THSD4: variants seen among roughly 807,000 people sequenced by gnomAD.
THSD4 encodes thrombospondin type-1 domain-containing protein 4.
A neutral mutation model predicts 119.0 loss-of-function variants in THSD4; 69 were observed. The ratio of observed to expected loss-of-function variants is 0.58; its 90% CI spans 0.48 to 0.71. The LOEUF (loss-of-function observed/expected upper bound fraction) is 0.71. Ranked by LOEUF, THSD4 falls within the 30% of genes least tolerant of loss-of-function variation. THSD4 has a pLI of 0.00. For missense variants in THSD4, 1,393 were observed against 1,391.1 expected (o/e 1.00, Z -0.02); for synonymous variants, 524 against 540.4 (o/e 0.97, Z 0.42).
chr15:71,402,051 A>G (rs1210184968), intron 6 of THSD4, among the ~76,000 whole-genome samples: 1 of 146,996 alleles, frequency 6.8e-6, no homozygotes, highest in African/African-American at 2.5e-5. Context: ...GAATTGAACA[A>G]TGAGAACACA....
rs149682187 is a variant in THSD4 at position 71,376,596 on chromosome 15, C to T, written c.1016-35091C>T. ...CTGCCCTGAGAAAAACAAATCTTTCCCCCTTGCTCCCATTTGCAAACTCTT... is the reference window on the plus strand; with the variant it reads ...CTGCCCTGAGAAAAACAAATCTTTCTCCCTTGCTCCCATTTGCAAACTCTT... On this transcript the variant is annotated intron_variant, in intron 6 of 17. Coordinates refer to ENST00000261862, the MANE Select transcript of THSD4 (RefSeq NM_024817.3). Among the ~76,000 whole-genome samples, 6 of 152,262 alleles carry T rather than the reference C, an allele frequency of 3.9e-5. No individual in the cohort carries two copies. In the East Asian group the frequency reaches 5.8e-4, roughly 15 times the overall value.
chr15:71,646,242 G>T (rs145819515), intron 7 of THSD4, among the ~76,000 whole-genome samples: 9 of 151,998 alleles, frequency 5.9e-5, no homozygotes, highest in Non-Finnish European at 8.8e-5. Flanking sequence ...GCTTTTCTTG[G>T]TGCTCAGGAG....
intron 15 of THSD4, among the ~76,000 whole-genome samples, chr15:71,763,028 A>G (rs1206151121): frequency 6.6e-6 from 1 of 152,092 alleles, no homozygotes; most frequent in Non-Finnish European, 1.5e-5. Context: ...CCGAGATTGC[A>G]CCACTGCACT....
At chr15:71,732,064 T>G (rs1193282534) in intron 10 of THSD4, 1 of 152,182 alleles carries the variant, frequency 6.6e-6, no homozygotes, top group African/African-American at 2.4e-5. Flanking sequence ...CTCATCTTCC[T>G]CTCTCTTTCC....
chr15:71,695,501 C>CGTGTGTGTGT (rs370049077), intron 8 of THSD4, among the ~76,000 whole-genome samples: 2 of 115,330 alleles, frequency 1.7e-5, no homozygotes, highest in African/African-American at 3.7e-5. Flanking sequence ...TGTGTGTGTG[C>CGTGTGTGTGT]ATGTGTGTGT....
chr15:71,698,203 T>C (rs2052207496), intron 8 of THSD4, among the ~76,000 whole-genome samples: 1 of 152,160 alleles, frequency 6.6e-6, no homozygotes, highest in Non-Finnish European at 1.5e-5. Flanking sequence ...TCCCTGCCCT[T>C]GGATAACTCA....
At chr15:71,480,990 TATAC>T (rs2047722399) in intron 7 of THSD4, among the ~76,000 whole-genome samples, 1 of 152,196 alleles carries the variant, frequency 6.6e-6, no homozygotes, top group Non-Finnish European at 1.5e-5. Context: ...TGTCAAATAG[TATAC>T]AAAGTTTTAA....
At chr15:71,195,930 C>G (rs2043715597) in intron 3 of THSD4, among the ~76,000 whole-genome samples, 1 of 152,168 alleles carries the variant, frequency 6.6e-6, no homozygotes, top group African/African-American at 2.4e-5. Context: ...TGTTGAATAA[C>G]CACTGCATCC....
intron 1 of THSD4, among the ~76,000 whole-genome samples, chr15:71,133,323 G>T (rs920129467): frequency 3.3e-5 from 5 of 152,162 alleles, no homozygotes; most frequent in Non-Finnish European, 5.9e-5. Flanking sequence ...TGGATCCTGG[G>T]CTGCGCAGTG....
chr15:71,219,390 G>C (rs1048132551), intron 4 of THSD4, among the ~76,000 whole-genome samples: 3 of 152,192 alleles, frequency 2.0e-5, no homozygotes, highest in African/African-American at 7.2e-5. Flanking sequence ...TTGTCTAGCA[G>C]AATTTTCCAA....
chr15:71,755,995 G>A (rs190596424), intron 14 of THSD4, among the ~76,000 whole-genome samples: 2 of 152,306 alleles, frequency 1.3e-5, no homozygotes, highest in African/African-American at 4.8e-5. Flanking sequence ...CTCTGAGTCT[G>A]TCCAGAAGGA....
rs78410459 is a variant in THSD4 at position 71,337,768 on chromosome 15, G to A, written c.1016-73919G>A. Among the ~76,000 whole-genome samples the A allele has an allele frequency of 6.2e-3, 945 of 152,244 alleles. 7 individuals are homozygous for A. The highest frequency in any genetic ancestry group is 9.1e-3 in the Non-Finnish European group (619 of 68,014). ...CCCAGGTGAACCTAGTAGAGGCTGA[G>A]CCCACCGGAGACGTTCCCAGCAGGC... On this transcript the variant is annotated intron_variant, in intron 6 of 17. Coordinates refer to ENST00000261862, the MANE Select transcript of THSD4 (RefSeq NM_024817.3).
chr15:71,281,572 T>C (rs1330706930), intron 6 of THSD4, among the ~76,000 whole-genome samples: 1 of 152,236 alleles, frequency 6.6e-6, no homozygotes, highest in Non-Finnish European at 1.5e-5. Context: ...TGCAAAACGA[T>C]TCTTCATTTT....
intron 6 of THSD4, among the ~76,000 whole-genome samples, chr15:71,403,033 C>G (rs1243871256): frequency 6.6e-6 from 1 of 152,154 alleles, no homozygotes; most frequent in African/African-American, 2.4e-5. Flanking sequence ...ATTGGGTATT[C>G]TACGCATTTC....
At chr15:71,729,941 A>G (rs2052941323) in intron 9 of THSD4, 1 of 152,138 alleles carries the variant, frequency 6.6e-6, no homozygotes, top group Non-Finnish European at 1.5e-5. Flanking sequence ...CGTTTCTGCA[A>G]CGCCGATGGT....
chr15:71,307,659 C>CT (rs2045049344), intron 6 of THSD4, among the ~76,000 whole-genome samples: 1 of 152,082 alleles, frequency 6.6e-6, no homozygotes, highest in Non-Finnish European at 1.5e-5. Flanking sequence ...ATCCCAGCTA[C>CT]TTGGGAGGCT....
chr15:71,099,225 G>A (rs1004388259), intron 1 of THSD4, among the ~76,000 whole-genome samples: 5 of 152,208 alleles, frequency 3.3e-5, no homozygotes, highest in Non-Finnish European at 7.3e-5. Context: ...AATGTTCCAT[G>A]TACACTTGAA....
At position 71,281,962 on chromosome 15, in the gene THSD4, G is replaced by A. The variant is rs116712828; in HGVS notation, c.1015+25247G>A. On this transcript the variant is annotated intron_variant, in intron 6 of 17. Transcript: ENST00000261862. ...CCTGACTCTGATGTTCACCTGCTCC[G>A]GGACTAAAGGCCTCAGATTCCCCAT... Among the ~76,000 whole-genome samples, 765 of 152,190 alleles carry A rather than the reference G, an allele frequency of 5.0e-3. 5 individuals are homozygous for A. The highest frequency in any genetic ancestry group is 0.019 in the East Asian group (99 of 5,180).
At chr15:71,484,495 T>C (rs2140676861) in intron 7 of THSD4, among the ~76,000 whole-genome samples, 1 of 152,334 alleles carries the variant, frequency 6.6e-6, no homozygotes, top group South Asian at 2.1e-4. Context: ...ACCTGTCCTG[T>C]CCTGAGGCAG....
Sources: gnomAD v4.1 joint callset for allele counts (sites outside exome capture counted in the v4.1 genomes callset) on GRCh38, gnomAD v4.1.1 for gene constraint, MANE v1.5 for transcripts, NCBI Gene and HGNC (gene_info 2026-07-23, HGNC 2026-07-21) for gene names.